CELF5: variants seen among roughly 807,000 people sequenced by gnomAD.
CELF5 encodes the protein CUGBP Elav-like family member 5, also known as CUG-BP and ETR-3 like factor 5.
CELF5 carries 6 observed loss-of-function variants against 54.9 expected under a neutral mutation model. The observed-to-expected ratio is 0.11, with a 90% CI of 0.06 to 0.22. CELF5 has a LOEUF of 0.22. CELF5 is among the 10% of genes least tolerant of loss of function. CELF5 has a pLI of 1.00. For missense variants in CELF5, 401 were observed against 678.6 expected (o/e 0.59, Z 4.54); for synonymous variants, 271 against 290.9 (o/e 0.93, Z 0.70).
Position 3,282,426 on chromosome 19 carries a change from G to C in CELF5, c.967G>C (p.Gly323Arg). ...LVAPITNGFAGVVPFPGGHPA... is the reference protein window; with the variant it reads ...LVAPITNGFARVVPFPGGHPA... The stretch of plus-strand genomic sequence containing the variant: ...GGCTCCCATCACCAATGGCTTTGCA[G>C]GTGTCGTGCCCTTTCCAGGTGGGCA... The change falls in exon 8 of 13, where the codon GGT (glycine) becomes CGT (arginine). Residue 323 changes from glycine to arginine, a missense_variant. Around this residue, in one of 6 missense-constraint regions of CELF5, gnomAD observed 143 missense variants for 147.6 expected, o/e 0.97. Coordinates refer to ENST00000292672, the MANE Select transcript of CELF5 (RefSeq NM_021938.4). This position sits in a 1 kb window ranked among gnomAD's most constrained non-coding sequence, Gnocchi z 5.2. 1 of 1,613,476 alleles carries C rather than the reference G, an allele frequency of 6.2e-7. No individual in the cohort carries two copies. The highest frequency in any genetic ancestry group is 8.5e-7 in the Non-Finnish European group (1 of 1,180,046).
intron 1 of CELF5, among the ~76,000 whole-genome samples, chr19:3,233,869 A>T (rs1007528227): frequency 2.6e-5 from 4 of 152,148 alleles, no homozygotes; most frequent in Non-Finnish European, 5.9e-5. Flanking sequence ...TTAGATGGGG[A>T]AACTAAGGCA....
chr19:3,291,768 G>A (rs1382787447), intron 11 of CELF5, among the ~76,000 whole-genome samples: 2 of 150,040 alleles, frequency 1.3e-5, no homozygotes, highest in Non-Finnish European at 3.0e-5. Flanking sequence ...GGAGGAGGGG[G>A]AACATGGAGA....
In CELF5 at chr19:3,278,679, T is replaced by TTGTG. The variant is rs3046138; in HGVS notation, c.603+587_603+590dup. On this transcript the variant is annotated intron_variant, in intron 5 of 12. Coordinates refer to ENST00000292672, the MANE Select transcript of CELF5 (RefSeq NM_021938.4). The surrounding 1 kb of genome is among the most constrained non-coding windows in gnomAD (Gnocchi z 4.5). ...TCTGCAGGTGCATTTGTGGGCAGGT[T>TTGTG]TGTGTGTGTGTGTGTGTGTGTTTGT... Among the ~76,000 whole-genome samples the TTGTG allele has an allele frequency of 0.14, 20,331 of 148,894 alleles. 1,810 individuals are homozygous for TTGTG. The highest frequency in any genetic ancestry group is 0.2 in the Non-Finnish European group (13,331 of 67,078).
chr19:3,268,148 G>A lies in CELF5; in HGVS notation c.343-5724G>A, dbSNP rs12461630. ...CGAGTAGCTGGGATTACAGGTGCCCGCCACCACGCCCAGCTACTTTTTGTA... is the reference window on the plus strand; with the variant it reads ...CGAGTAGCTGGGATTACAGGTGCCCACCACCACGCCCAGCTACTTTTTGTA... On this transcript the variant is annotated intron_variant, in intron 2 of 12. Transcript: ENST00000292672. This position sits in a 1 kb window ranked among gnomAD's most constrained non-coding sequence, Gnocchi z 4.4. Among the ~76,000 whole-genome samples the A allele has an allele frequency of 0.28, 42,335 of 151,710 alleles. 7,234 individuals carry two copies. The highest frequency in any genetic ancestry group is 0.77 in the East Asian group (3,940 of 5,150).
At chr19:3,256,335 C>A (rs1303899497) in intron 2 of CELF5, among the ~76,000 whole-genome samples, 1 of 152,176 alleles carries the variant, frequency 6.6e-6, no homozygotes, top group African/African-American at 2.4e-5. Context: ...GGCTCTGACT[C>A]CCCCAGATTG....
In CELF5 at chr19:3,248,922, C is replaced by CT. The variant is rs1227074374; in HGVS notation, c.260-2060dup. On this transcript the variant is annotated intron_variant, in intron 1 of 12. Transcript: ENST00000292672. ...CCTTCCTTCCTTTCTTTCTTTCTTTCTTTCTTTTCTTTTCTTTTCTTTTCT... is the reference window on the plus strand; with the variant it reads ...CCTTCCTTCCTTTCTTTCTTTCTTTCTTTTCTTTTCTTTTCTTTTCTTTTCT... Among the ~76,000 whole-genome samples, 599 of 119,018 alleles carry CT rather than the reference C, an allele frequency of 5.0e-3. 2 individuals are homozygous for CT. Among genetic ancestry groups the CT allele is most frequent in the African/African-American group, 0.014 (463 of 32,226 alleles). The allele number at this position is 119,018 out of a possible 152,430, so 78.1% of individuals were successfully genotyped here. A position where few individuals can be genotyped will look rare whatever the true frequency, so the allele number is the denominator to read the frequency against.
At chr19:3,251,488 A>G (rs1010267876) in intron 2 of CELF5, among the ~76,000 whole-genome samples, 1 of 151,938 alleles carries the variant, frequency 6.6e-6, no homozygotes, top group Non-Finnish European at 1.5e-5. Flanking sequence ...TGGAGAAAGA[A>G]AGGCGGGAAG....
Position 3,260,858 on chromosome 19 carries a change from G to A in CELF5, c.342+9791G>A, listed in dbSNP as rs182523103. Reference sequence around the variant, plus strand: ...AGGATGGTCTCGATCTCCTGACCTCGTGATCTGCCCGCCTCGGCCTCCCAA... The same window carrying A: ...AGGATGGTCTCGATCTCCTGACCTCATGATCTGCCCGCCTCGGCCTCCCAA... On this transcript the variant is annotated intron_variant, in intron 2 of 12. Transcript: ENST00000292672. Among the ~76,000 whole-genome samples the A allele has an allele frequency of 2.8e-3, 420 of 151,764 alleles. 2 individuals carry two copies. Among genetic ancestry groups the A allele is most frequent in the African/African-American group, 9.7e-3 (403 of 41,406 alleles).
chr19:3,274,721 A>G (rs1421239266), intron 3 of CELF5, among the ~76,000 whole-genome samples: 2 of 152,162 alleles, frequency 1.3e-5, no homozygotes, highest in African/African-American at 4.8e-5. Flanking sequence ...GAAGGAGGGC[A>G]GCCAGATTTG....
intron 12 of CELF5, 155 bp downstream of exon 12, chr19:3,293,641 G>A (rs1297464692): frequency 1.1e-5 from 7 of 634,898 alleles, no homozygotes; most frequent in Non-Finnish European, 1.6e-5. Flanking sequence ...GGACAGAGCT[G>A]GATGTAGACA....
In CELF5 at chr19:3,275,929, C is replaced by T; in HGVS notation, c.468C>T (p.Pro156=). Residue 156 remains proline (P), a synonymous_variant, in exon 4 of 13, where the codon CCC becomes CCT. Transcript: ENST00000292672. The surrounding 1 kb of genome is among the most constrained non-coding windows in gnomAD (Gnocchi z 6.7). ...SEEDVLRLFQ[P]FGVIDECTVL... ...AGGACGTGCTGCGGCTGTTCCAGCC[C>T]TTCGGGGTCATTGACGAGTGCACCG... is the stretch of plus-strand genomic sequence containing the variant. 1 of 1,611,580 alleles carries T rather than the reference C, an allele frequency of 6.2e-7. No homozygotes were observed. The highest frequency in any genetic ancestry group is 1.1e-5 in the South Asian group (1 of 91,014).
intron 11 of CELF5, among the ~76,000 whole-genome samples, 157 bp from the exon 12 acceptor site, chr19:3,293,162 G>A (rs891051956): frequency 2.0e-5 from 3 of 152,126 alleles, no homozygotes; most frequent in African/African-American, 7.2e-5. Context: ...CAAAGCCAGG[G>A]CTGCTGTGTG....
chr19:3,264,053 C>T (rs1423315424), intron 2 of CELF5, among the ~76,000 whole-genome samples: 2 of 152,180 alleles, frequency 1.3e-5, no homozygotes, highest in African/African-American at 4.8e-5. Flanking sequence ...ATTACTAAGC[C>T]CAACTCTTTT....
chr19:3,284,141 C>G (rs2080195718), intron 8 of CELF5, among the ~76,000 whole-genome samples: 1 of 151,086 alleles, frequency 6.6e-6, no homozygotes, highest in African/African-American at 2.4e-5. Flanking sequence ...AGCCACCACA[C>G]CCAGCTGATT....
In CELF5 at chr19:3,286,036, C is replaced by T; in HGVS notation, c.1186+11C>T. 6.4e-7 allele frequency: 1 copy of T among 1,562,244 alleles called. No homozygotes were observed. The highest frequency in any genetic ancestry group is 8.6e-7 in the Non-Finnish European group (1 of 1,163,984). ...AGCAGCAGCGAGAAGGTGAGGCGGC[C>T]GCAACCTCCCCTGGGCGCCAGCCCC... On this transcript the variant is annotated intron_variant, in intron 10 of 12. Transcript: ENST00000292672.
chr19:3,289,681 C>CAAAAAAAAAAAAAAAAAA lies in CELF5; in HGVS notation c.1187-533_1187-516dup, dbSNP rs35144942. ...TGGGCGACAGAGCGAGACTCCATCT[C>CAAAAAAAAAAAAAAAAAA]AAAAAAAAAAAAAAAAAAAAAAAAA... is the stretch of plus-strand genomic sequence containing the variant. On this transcript the variant is annotated intron_variant, in intron 10 of 12. Transcript: ENST00000292672. 2.5e-4 allele frequency among the ~76,000 whole-genome samples: 12 copies of CAAAAAAAAAAAAAAAAAA among 47,138 alleles called. 2 individuals are homozygous for CAAAAAAAAAAAAAAAAAA. Among genetic ancestry groups the CAAAAAAAAAAAAAAAAAA allele is most frequent in the African/African-American group, 9.0e-4 (9 of 10,012 alleles). The allele number at this position is 47,138 out of a possible 152,430, so 30.9% of individuals were successfully genotyped here. A position where few individuals can be genotyped will look rare whatever the true frequency, so the allele number is the denominator to read the frequency against.
chr19:3,247,327 C>T (rs537434232), intron 1 of CELF5, among the ~76,000 whole-genome samples: 127 of 152,166 alleles, frequency 8.3e-4, no homozygotes, highest in African/African-American at 2.9e-3. Flanking sequence ...AGGGTTTCAC[C>T]GTGTTAGCCA....
At chr19:3,245,687 T>G (rs913342459) in intron 1 of CELF5, among the ~76,000 whole-genome samples, 3 of 152,136 alleles carry the variant, frequency 2.0e-5, no homozygotes, top group African/African-American at 7.2e-5. Flanking sequence ...GCTCGTTGTC[T>G]TAGTGTAGTT....
chr19:3,248,840 T>A (rs2079602241), intron 1 of CELF5, among the ~76,000 whole-genome samples: 1 of 150,454 alleles, frequency 6.6e-6, no homozygotes, highest in Admixed American at 6.6e-5. Flanking sequence ...TACTACAAAC[T>A]TTTTTCTTTC....
Sources: allele counts gnomAD v4.1 joint callset (sites outside exome capture counted in the v4.1 genomes callset), GRCh38; gene constraint gnomAD v4.1.1; regional missense constraint gnomAD v4.1.1; non-coding constraint Gnocchi (gnomAD v3.1); transcripts MANE v1.5; gene names NCBI Gene and HGNC (gene_info 2026-07-23, HGNC 2026-07-21).